The following MAF variants were observed in gnomAD, a reference collection of about 807,000 sequenced individuals.
The protein encoded by MAF is MAF bZIP transcription factor.
In MAF, 10 loss-of-function variants were observed where a neutral mutation model predicts 22.0. The observed-to-expected ratio is 0.45, with a 90% CI of 0.28 to 0.77. MAF has a LOEUF of 0.77. Ranked by LOEUF, MAF falls within the 30% of genes least tolerant of loss-of-function variation. MAF has a pLI of 0.12. For missense variants in MAF, 544 were observed against 548.4 expected (o/e 0.99, Z 0.08); for synonymous variants, 337 against 255.8 (o/e 1.32, Z -3.03).
chr16:79,314,386 C>T, the MAF span, among the ~76,000 whole-genome samples: 1 of 152,068 alleles, frequency 6.6e-6, no homozygotes, highest in Non-Finnish European at 1.5e-5. Context: ...TGAAACGCTC[C>T]CAGGGTATAA....
the MAF span, among the ~76,000 whole-genome samples, chr16:79,578,641 G>A: frequency 6.6e-6 from 1 of 152,166 alleles, no homozygotes; most frequent in South Asian, 2.1e-4. Context: ...AAATATTAGA[G>A]AAGCTTTGAC....
At chr16:79,390,968 G>C in the MAF span, among the ~76,000 whole-genome samples, 1 of 152,156 alleles carries the variant, frequency 6.6e-6, no homozygotes, top group South Asian at 2.1e-4. Flanking sequence ...TCAAGTGCTA[G>C]ATTTATTTCG....
chr16:79,325,375 C>T, the MAF span, among the ~76,000 whole-genome samples: 3 of 152,298 alleles, frequency 2.0e-5, no homozygotes, highest in South Asian at 6.2e-4. Flanking sequence ...CAGATGCAAT[C>T]TCATGGAACC....
the MAF span, among the ~76,000 whole-genome samples, chr16:79,338,784 C>T: frequency 6.6e-6 from 1 of 152,144 alleles, no homozygotes; most frequent in Non-Finnish European, 1.5e-5. Flanking sequence ...TTGCTTACCC[C>T]ATCCGAGCCT....
chr16:79,587,877 G>A (rs1425344247), intron 1 of MAF, among the ~76,000 whole-genome samples: 2 of 149,158 alleles, frequency 1.3e-5, no homozygotes, highest in Non-Finnish European at 1.5e-5. Flanking sequence ...AAAGGGGGGG[G>A]GGGGTAGATA....
At chr16:79,351,580 G>A in the MAF span, among the ~76,000 whole-genome samples, 2 of 152,054 alleles carry the variant, frequency 1.3e-5, no homozygotes, top group African/African-American at 4.8e-5. Flanking sequence ...GAATCTCAGA[G>A]TCACAGAGCC....
At chr16:79,274,155 A>G in the MAF span, among the ~76,000 whole-genome samples, 1 of 151,744 alleles carries the variant, frequency 6.6e-6, no homozygotes, top group Non-Finnish European at 1.5e-5. Flanking sequence ...GGATTTTGCC[A>G]TATTGGCCAG....
the MAF span, among the ~76,000 whole-genome samples, chr16:79,386,442 G>C: frequency 6.6e-6 from 1 of 152,104 alleles, no homozygotes; most frequent in Non-Finnish European, 1.5e-5. Context: ...TGCTGTGGCT[G>C]ATCTGACAGG....
At chr16:79,349,120 C>T in the MAF span, among the ~76,000 whole-genome samples, 5 of 152,194 alleles carry the variant, frequency 3.3e-5, no homozygotes, top group Admixed American at 6.5e-5. Flanking sequence ...ACTTCAGTGG[C>T]GGGGTTATTA....
chr16:79,207,326 G>A, the MAF span, among the ~76,000 whole-genome samples: 1 of 152,236 alleles, frequency 6.6e-6, no homozygotes, highest in South Asian at 2.1e-4. Flanking sequence ...GTTTGAAGAG[G>A]TATGTGTCTT....
the MAF span, among the ~76,000 whole-genome samples, chr16:79,463,379 T>G: frequency 2.0e-5 from 3 of 152,234 alleles, no homozygotes; most frequent in Non-Finnish European, 2.9e-5. Context: ...CCAGCTTACC[T>G]TGATGCCCTG....
At chr16:79,407,684 A>G in the MAF span, among the ~76,000 whole-genome samples, 3 of 151,746 alleles carry the variant, frequency 2.0e-5, no homozygotes, top group African/African-American at 7.3e-5. Context: ...CATGTCAGAG[A>G]TTTTTTTTCT....
chr16:79,350,866 A>G, the MAF span, among the ~76,000 whole-genome samples: 4 of 148,406 alleles, frequency 2.7e-5, no homozygotes, highest in African/African-American at 1.0e-4. Context: ...AACAGTGAGA[A>G]GTGTGTGTGT....
chr16:79,226,969 G>GA, the MAF span, among the ~76,000 whole-genome samples: 16 of 152,044 alleles, frequency 1.1e-4, no homozygotes, highest in Non-Finnish European at 1.6e-4. Context: ...CCAGGAACAG[G>GA]ATGGGGAACC....
At chr16:79,391,434 A>G in the MAF span, among the ~76,000 whole-genome samples, 20 of 152,288 alleles carry the variant, frequency 1.3e-4, no homozygotes, top group African/African-American at 4.8e-4. Context: ...ACTCCACGAG[A>G]AGTGCCTGCT....
the MAF span, among the ~76,000 whole-genome samples, chr16:79,563,954 C>A: frequency 6.6e-6 from 1 of 152,236 alleles, no homozygotes; most frequent in South Asian, 2.1e-4. Context: ...GGAAAGCCAG[C>A]CTCAAACTAT....
the MAF span, among the ~76,000 whole-genome samples, chr16:79,527,905 G>A: frequency 2.0e-5 from 3 of 152,292 alleles, no homozygotes; most frequent in South Asian, 2.1e-4. Context: ...ACTTTGGGAG[G>A]CCGGGGTGGG....
the MAF span, among the ~76,000 whole-genome samples, chr16:79,430,908 A>G: frequency 6.6e-6 from 1 of 152,180 alleles, no homozygotes; most frequent in Non-Finnish European, 1.5e-5. Context: ...TTTTAAGTAT[A>G]TCCAAGAACT....
chr16:79,253,593 G>T, the MAF span, among the ~76,000 whole-genome samples: 1 of 152,090 alleles, frequency 6.6e-6, no homozygotes, highest in African/African-American at 2.4e-5. Flanking sequence ...ATGCGGGAGG[G>T]TGGGGCGTGG....
Sources: gnomAD v4.1 joint callset for allele counts (sites outside exome capture counted in the v4.1 genomes callset) on GRCh38, gnomAD v4.1.1 for gene constraint, MANE v1.5 for transcripts, NCBI Gene and HGNC (gene_info 2026-07-23, HGNC 2026-07-21) for gene names.